Variants in RABGAP1L observed in about 807,000 individuals in gnomAD.
RABGAP1L encodes rab GTPase-activating protein 1-like.
In RABGAP1L, 63 loss-of-function variants were observed where a neutral mutation model predicts 137.7. The observed-to-expected ratio is 0.46, with a 90% CI of 0.37 to 0.56. The LOEUF (loss-of-function observed/expected upper bound fraction) is 0.56. Ranked by LOEUF, RABGAP1L falls within the 20% of genes least tolerant of loss-of-function variation. The probability of loss-of-function intolerance (pLI) is 0.00; values close to 1 mark genes in which losing one functional copy is unlikely to be tolerated. For missense variants in RABGAP1L, 1,095 were observed against 1,244.0 expected (o/e 0.88, Z 1.80); for synonymous variants, 431 against 433.7 (o/e 0.99, Z 0.08).
chr1:174,769,719 G>C (rs1685964369), intron 18 of RABGAP1L, among the ~76,000 whole-genome samples: 1 of 152,174 alleles, frequency 6.6e-6, no homozygotes, highest in Non-Finnish European at 1.5e-5. Context: ...CGGGCATGGT[G>C]GTGGGCGCCT....
chr1:174,498,768 C>T (rs1660981370), intron 13 of RABGAP1L, among the ~76,000 whole-genome samples: 2 of 151,698 alleles, frequency 1.3e-5, no homozygotes, highest in African/African-American at 2.4e-5. Flanking sequence ...ACCTCGGCCT[C>T]CCAAAGTGCT....
At chr1:174,847,587 C>T (rs961969667) in intron 19 of RABGAP1L, among the ~76,000 whole-genome samples, 12 of 138,366 alleles carry the variant, frequency 8.7e-5, no homozygotes, top group African/African-American at 1.6e-4. Context: ...GGGTTTCTGC[C>T]GAGAGATCTG....
At chr1:174,815,513 C>T (rs1005121302) in intron 19 of RABGAP1L, among the ~76,000 whole-genome samples, 1 of 152,112 alleles carries the variant, frequency 6.6e-6, no homozygotes. Context: ...GACATGTTCC[C>T]ATTTAATTAC....
At chr1:174,791,062 G>A (rs35346441) in intron 18 of RABGAP1L, among the ~76,000 whole-genome samples, 8,654 of 151,752 alleles carry the variant, frequency 0.057, 331 homozygotes, top group Non-Finnish European at 0.087. Flanking sequence ...GTGCTGGCAC[G>A]TGCCTGTAAT....
At chr1:174,166,795 T>TTA (rs1399431821) in intron 1 of RABGAP1L, among the ~76,000 whole-genome samples, 1 of 152,316 alleles carries the variant, frequency 6.6e-6, no homozygotes, top group South Asian at 2.1e-4. Context: ...AAAAGCCTTC[T>TTA]TAGAGTGTTG....
chr1:174,394,075 T>C lies in RABGAP1L; in HGVS notation c.1640T>C (p.Val547Ala), dbSNP rs1558196364. The change falls in exon 13 of 26, where the codon GTA becomes GCA. Residue 547 changes from valine (V) to alanine (A), a missense_variant. Coordinates refer to ENST00000681986, the MANE Select transcript of RABGAP1L (RefSeq NM_001366446.1). ...SGVPEALRAE[V>A]WQLLAGCHDN... ...GTCCCTGAAGCATTGAGGGCAGAGG[T>C]ATGGCAGTTATTGGCAGGCTGCCAT... 1 of 1,613,748 alleles carries C rather than the reference T, an allele frequency of 6.2e-7. No homozygotes were observed. The highest frequency in any genetic ancestry group is 1.1e-5 in the South Asian group (1 of 91,080).
chr1:174,894,972 G>A (rs1452901816), intron 19 of RABGAP1L, among the ~76,000 whole-genome samples: 1 of 152,050 alleles, frequency 6.6e-6, no homozygotes, highest in Non-Finnish European at 1.5e-5. Context: ...GGCCACGCTG[G>A]TCTCAAACTC....
At chr1:174,312,047 C>T (rs1221149670) in intron 11 of RABGAP1L, among the ~76,000 whole-genome samples, 2 of 152,188 alleles carry the variant, frequency 1.3e-5, no homozygotes, top group African/African-American at 2.4e-5. Context: ...AGTGTTGCAA[C>T]AAACACAGGA....
At position 174,622,086 on chromosome 1, in the gene RABGAP1L, A is replaced by G. The variant is rs137961947; in HGVS notation, c.1711-15289A>G. 8.6e-3 allele frequency among the ~76,000 whole-genome samples: 1,311 copies of G among 152,368 alleles called. 8 individuals are homozygous for G. Among genetic ancestry groups the G allele is most frequent in the Middle Eastern group, 0.017 (5 of 294 alleles). On this transcript the variant is annotated intron_variant, in intron 13 of 25. Coordinates refer to ENST00000681986, the MANE Select transcript of RABGAP1L (RefSeq NM_001366446.1). ...CTCAAAAGAAGACATTTATGCAGCC[A>G]AGAGACACATGAAAAAATGCTCATC...
chr1:174,562,246 G>GA (rs1301747583), intron 13 of RABGAP1L, among the ~76,000 whole-genome samples: 6 of 151,986 alleles, frequency 3.9e-5, no homozygotes, highest in Non-Finnish European at 7.4e-5. Context: ...ACAAACATAT[G>GA]AAAAAAATGC....
At chr1:174,299,431 G>C (rs1677450806) in intron 10 of RABGAP1L, among the ~76,000 whole-genome samples, 1 of 152,190 alleles carries the variant, frequency 6.6e-6, no homozygotes, top group Non-Finnish European at 1.5e-5. Flanking sequence ...TGCAATTTGA[G>C]ATTGACTCAG....
At chr1:174,238,176 AT>A (rs1239075732) in intron 4 of RABGAP1L, among the ~76,000 whole-genome samples, 1 of 151,682 alleles carries the variant, frequency 6.6e-6, no homozygotes, top group Non-Finnish European at 1.5e-5. Context: ...ATTCTTCTAA[AT>A]TTTTTTCAAA....
chr1:174,537,621 G>A (rs960183353), intron 13 of RABGAP1L, among the ~76,000 whole-genome samples: 1 of 152,168 alleles, frequency 6.6e-6, no homozygotes, highest in African/African-American at 2.4e-5. Context: ...TAGCCAGGCA[G>A]GGTGGCGGGC....
At chr1:174,340,882 C>T (rs1387680807) in intron 11 of RABGAP1L, among the ~76,000 whole-genome samples, 1 of 152,208 alleles carries the variant, frequency 6.6e-6, no homozygotes, top group Non-Finnish European at 1.5e-5. Context: ...AATTTCTCAA[C>T]AGTGTAAAAG....
rs12565172 is a variant in RABGAP1L, at chr1:174,774,697, T to G, written c.2211+22343T>G. ...GAGTTTGAGAGAAGCCTGGGCAACA[T>G]AGAGAGACCTCATCTCTCCAAAAAA... On this transcript the variant is annotated intron_variant, in intron 18 of 25. Coordinates refer to ENST00000681986, the MANE Select transcript of RABGAP1L (RefSeq NM_001366446.1). 4.9e-3 allele frequency among the ~76,000 whole-genome samples: 750 copies of G among 151,952 alleles called. 21 individuals carry two copies. The East Asian group carries it at 0.079, about 16-fold the overall frequency.
intron 14 of RABGAP1L, among the ~76,000 whole-genome samples, chr1:174,640,366 A>G (rs1278501600): frequency 1.3e-5 from 2 of 152,134 alleles, no homozygotes; most frequent in African/African-American, 4.8e-5. Context: ...TCAAGCTTCC[A>G]CATCCACTTT....
intron 14 of RABGAP1L, among the ~76,000 whole-genome samples, chr1:174,641,909 G>C (rs1043155717): frequency 6.6e-6 from 1 of 152,110 alleles, no homozygotes. Context: ...CAATACTAAA[G>C]ATGTAAAAGG....
intron 17 of RABGAP1L, among the ~76,000 whole-genome samples, chr1:174,720,306 TGG>T (rs1681415353): frequency 1.8e-5 from 2 of 108,876 alleles, no homozygotes; most frequent in African/African-American, 1.1e-4. Flanking sequence ...GACAGATAGT[TGG>T]TTTTTTTTTT....
Position 174,992,162 on chromosome 1 carries a change from G to A in RABGAP1L, c.*2161G>A, listed in dbSNP as rs753629978. 6.6e-6 allele frequency: 1 copy of A among 152,272 alleles called. No homozygotes were observed. The highest frequency in any genetic ancestry group is 2.4e-5 in the African/African-American group (1 of 41,440). 9.4% of individuals were successfully genotyped at this position (152,272 alleles called of 1,614,324 possible). A position where few individuals can be genotyped will look rare whatever the true frequency, so the allele number is the denominator to read the frequency against. On this transcript the variant is annotated 3_prime_UTR_variant, in exon 26 of 26. Coordinates refer to ENST00000681986, the MANE Select transcript of RABGAP1L (RefSeq NM_001366446.1). ...AGAAGAGAAAAATCCCCCCTGGCCAGGCATGGTGGCTCACATCTGTAATCC... is the reference window on the plus strand; with the variant it reads ...AGAAGAGAAAAATCCCCCCTGGCCAAGCATGGTGGCTCACATCTGTAATCC...
Sources: gnomAD v4.1 joint callset for allele counts (sites outside exome capture counted in the v4.1 genomes callset) on GRCh38, gnomAD v4.1.1 for gene constraint, MANE v1.5 for transcripts, NCBI Gene and HGNC (gene_info 2026-07-23, HGNC 2026-07-21) for gene names.